The following AFDN variants were observed in gnomAD, a reference collection of about 807,000 sequenced individuals.
AFDN encodes afadin, adherens junction formation factor.
AFDN carries 68 observed loss-of-function variants against 216.6 expected under a neutral mutation model. That is an observed-to-expected ratio of 0.31 (90% CI 0.26 to 0.38). The LOEUF is 0.38. Among genes scored for constraint, AFDN ranks in the 10% least tolerant of loss-of-function variants. The pLI, the probability that AFDN is intolerant of heterozygous loss-of-function variation, is 1.00. For missense variants in AFDN, 2,136 were observed against 2,342.0 expected (o/e 0.91, Z 1.82); for synonymous variants, 868 against 853.7 (o/e 1.02, Z -0.29).
At chr6:167,957,142 G>A (rs1796601119) in intron 30 of AFDN, among the ~76,000 whole-genome samples, 1 of 151,928 alleles carries the variant, frequency 6.6e-6, no homozygotes, top group Non-Finnish European at 1.5e-5. Context: ...ACATGCAGGT[G>A]TCTCTCAGAT....
intron 2 of AFDN, 103 bp from the exon 3 acceptor site, chr6:167,870,283 G>A (rs1784651019): frequency 1.5e-6 from 1 of 657,946 alleles, no homozygotes; most frequent in Non-Finnish European, 2.6e-6. Context: ...CTGCAAGTAG[G>A]TGCTTTGTCT....
At chr6:167,827,931 T>G (rs1464623042) in intron 1 of AFDN, 1 of 152,206 alleles carries the variant, frequency 6.6e-6, no homozygotes, top group African/African-American at 2.4e-5. Flanking sequence ...GCTCCTGGCC[T>G]GGTAACAATG....
chr6:167,967,074 T>G (rs1026282804), intron 32 of AFDN, among the ~76,000 whole-genome samples: 60 of 152,352 alleles, frequency 3.9e-4, no homozygotes, highest in African/African-American at 1.3e-3. Context: ...GTCATTGTTT[T>G]CAAGACAGCA....
At chr6:167,842,855 T>C (rs907901457) in intron 1 of AFDN, among the ~76,000 whole-genome samples, 1 of 152,210 alleles carries the variant, frequency 6.6e-6, no homozygotes, top group East Asian at 1.9e-4. Flanking sequence ...TCCTCTGCCT[T>C]GGTGGTTGTC....
Position 167,915,154 on chromosome 6 carries a change from C to A in AFDN, c.2300-14C>A. 6.2e-7 allele frequency: 1 copy of A among 1,613,128 alleles called. No homozygotes were observed. Among genetic ancestry groups the A allele is most frequent in the Non-Finnish European group, 8.5e-7 (1 of 1,179,566 alleles). On this transcript the variant is annotated splice_polypyrimidine_tract_variant and intron_variant, in intron 18 of 33. Transcript: ENST00000683244. ...ACATTTTGCTCCTCTTGTCCTCTCACCCTGTCTGGGCAGATGATGTGCTGC... is the reference window on the plus strand; with the variant it reads ...ACATTTTGCTCCTCTTGTCCTCTCAACCTGTCTGGGCAGATGATGTGCTGC...
chr6:167,917,964 G>T lies in AFDN; in HGVS notation c.2709+732G>T, dbSNP rs564177213. Reference sequence around the variant, plus strand: ...GCCCTGTGCAAAGTGCATAGAATATGCTTCTATCTGTGTACACTTTAGGAA... The same window carrying T: ...GCCCTGTGCAAAGTGCATAGAATATTCTTCTATCTGTGTACACTTTAGGAA... On this transcript the variant is annotated intron_variant, in intron 20 of 33. Coordinates refer to ENST00000683244, the MANE Select transcript of AFDN (RefSeq NM_001386888.1). Among the ~76,000 whole-genome samples the T allele has an allele frequency of 6.6e-5, 10 of 152,318 alleles. No homozygotes were observed. The South Asian group carries it at 1.9e-3, about 28-fold the overall frequency.
At chr6:167,906,434 A>T (rs1789700041) in intron 12 of AFDN, among the ~76,000 whole-genome samples, 1 of 152,308 alleles carries the variant, frequency 6.6e-6, no homozygotes, top group Non-Finnish European at 1.5e-5. Flanking sequence ...GAGAAACATG[A>T]TTTTTTATTT....
At position 167,951,664 on chromosome 6, in the gene AFDN, G is replaced by GGGAGAGGAAGCGGAGAGAGCA; in HGVS notation, c.4321_4341dup (p.Arg1441_Lys1447dup). On this transcript the variant is annotated inframe_insertion, in exon 30 of 34. Transcript: ENST00000683244. This position sits in a 1 kb window ranked among gnomAD's most constrained non-coding sequence, Gnocchi z 7.1. ...GAGAAGGCCCGCCTGGAGGAGGAGC[G>GGGAGAGGAAGCGGAGAGAGCA]GGAGAGGAAGCGGAGAGAGCAGGAG... 1.9e-6 allele frequency: 3 copies of GGGAGAGGAAGCGGAGAGAGCA among 1,613,992 alleles called. No individual in the cohort carries two copies. The highest frequency in any genetic ancestry group is 2.5e-6 in the Non-Finnish European group (3 of 1,179,954).
chr6:167,962,827 G>A lies in AFDN; in HGVS notation c.4968+260G>A. 7.7e-7 allele frequency: 1 copy of A among 1,303,716 alleles called. No homozygotes were observed. The highest frequency in any genetic ancestry group is 1.5e-5 in the African/African-American group (1 of 68,346). 80.8% of individuals were successfully genotyped at this position (1,303,716 alleles called of 1,614,324 possible). A position where few individuals can be genotyped will look rare whatever the true frequency, so the allele number is the denominator to read the frequency against. On this transcript the variant is annotated intron_variant, in intron 31 of 33. Transcript: ENST00000683244. This position sits in a 1 kb window ranked among gnomAD's most constrained non-coding sequence, Gnocchi z 5.2. Reference sequence around the variant, plus strand: ...TCTGAACTCTTGGGCGTGTGTAGCAGTGAGCCTCTTTGCAAAGGGTTCGTT... The same window carrying A: ...TCTGAACTCTTGGGCGTGTGTAGCAATGAGCCTCTTTGCAAAGGGTTCGTT...
chr6:167,971,465 G>A lies in AFDN; in HGVS notation c.*1530G>A, dbSNP rs1798019916. 5.1e-6 allele frequency: 1 copy of A among 195,402 alleles called. No individual in the cohort carries two copies. Among genetic ancestry groups the A allele is most frequent in the African/African-American group, 2.3e-5 (1 of 43,258 alleles). 12.1% of individuals were successfully genotyped at this position (195,402 alleles called of 1,614,324 possible). On this transcript the variant is annotated 3_prime_UTR_variant, in exon 34 of 34. Coordinates refer to ENST00000683244, the MANE Select transcript of AFDN (RefSeq NM_001386888.1). ...CCTCTATCAGGGTTTTTATTTGAAA[G>A]TGTGCTCTTACCATTTCCTTGTTTG... is the stretch of plus-strand genomic sequence containing the variant.
At position 167,965,776 on chromosome 6, in the gene AFDN, A is replaced by T. The variant is rs1050645950; in HGVS notation, c.4988A>T (p.Tyr1663Phe). The T allele has an allele frequency of 6.4e-7, 1 of 1,557,138 alleles. No individual in the cohort carries two copies. Among genetic ancestry groups the T allele is most frequent in the East Asian group, 2.3e-5 (1 of 43,366 alleles). ...CCGCAGAGGCGACAGGAAGAAGGGTATTACAGCCGCCTGGAAGCCGAGAGG... is the reference window on the plus strand; with the variant it reads ...CCGCAGAGGCGACAGGAAGAAGGGTTTTACAGCCGCCTGGAAGCCGAGAGG... ...AEEKRRQEEG[Y>F]YSRLEAERRR... The change falls in exon 32 of 34, where the codon TAT (tyrosine) becomes TTT (phenylalanine). Residue 1663 changes from tyrosine (Y) to phenylalanine (F), a missense_variant. By Grantham distance (22) the Tyr-to-Phe change is conservative (BLOSUM62 3). Coordinates refer to ENST00000683244, the MANE Select transcript of AFDN (RefSeq NM_001386888.1).
chr6:167,833,986 A>G (rs1780115587), intron 1 of AFDN, among the ~76,000 whole-genome samples: 1 of 152,206 alleles, frequency 6.6e-6, no homozygotes, highest in Non-Finnish European at 1.5e-5. Flanking sequence ...CATAGGTTGC[A>G]AAGAACATTT....
At position 167,943,480 on chromosome 6, in the gene AFDN, C is replaced by A; in HGVS notation, c.3239+5C>A. 6.2e-7 allele frequency: 1 copy of A among 1,609,572 alleles called. No individual in the cohort carries two copies. Among genetic ancestry groups the A allele is most frequent in the African/African-American group, 1.3e-5 (1 of 74,944 alleles). Reference sequence around the variant, plus strand: ...GGTTGGACTCTCTCAGGAAAGGTATCATTGATTTATTTGCTTGAAGCATAG... The same window carrying A: ...GGTTGGACTCTCTCAGGAAAGGTATAATTGATTTATTTGCTTGAAGCATAG... On this transcript the variant is annotated splice_donor_5th_base_variant and intron_variant, in intron 25 of 33. Transcript: ENST00000683244.
In AFDN at chr6:167,948,245, C is replaced by T. The variant is rs200362204; in HGVS notation, c.3646-48C>T. The T allele has an allele frequency of 1.0e-5, 15 of 1,488,214 alleles. No individual in the cohort carries two copies. In the East Asian group the frequency reaches 3.2e-4, roughly 32 times the overall value. The allele number at this position is 1,488,214 out of a possible 1,614,324, so 92.2% of individuals were successfully genotyped here. A position where few individuals can be genotyped will look rare whatever the true frequency, so the allele number is the denominator to read the frequency against. On this transcript the variant is annotated intron_variant, in intron 28 of 33. Coordinates refer to ENST00000683244, the MANE Select transcript of AFDN (RefSeq NM_001386888.1). ...ACAGATCATTGAAAATCAAGTTAGT[C>T]TGTATGGTTGTAAAAAGCTCACTTT...
intron 12 of AFDN, among the ~76,000 whole-genome samples, chr6:167,905,906 C>G (rs1233353193): frequency 6.6e-6 from 1 of 152,146 alleles, no homozygotes; most frequent in Non-Finnish European, 1.5e-5. Context: ...GAGATCGAGA[C>G]CATCCTGGCT....
At position 167,884,605 on chromosome 6, in the gene AFDN, C is replaced by T. The variant is rs183227632; in HGVS notation, c.897+4088C>T. Among the ~76,000 whole-genome samples, 6 of 151,764 alleles carry T rather than the reference C, an allele frequency of 4.0e-5. No homozygotes were observed. The East Asian group carries it at 1.2e-3, about 29-fold the overall frequency. On this transcript the variant is annotated intron_variant, in intron 6 of 33. Transcript: ENST00000683244. ...CAAAGGGTTCTTATTTTTTTTTCTT[C>T]TTTCCTCTGAGCAGTAGGTCCCAAC...
At chr6:167,902,264 G>T (rs1789075807) in intron 11 of AFDN, 53 bp from the exon 12 acceptor site, 4 of 1,289,532 alleles carry the variant, frequency 3.1e-6, no homozygotes, top group Non-Finnish European at 4.5e-6. Context: ...AAGAGACTAT[G>T]CCTGTCATTG....
chr6:167,919,891 A>G (rs1340958740), intron 21 of AFDN, among the ~76,000 whole-genome samples: 2 of 152,252 alleles, frequency 1.3e-5, no homozygotes, highest in Admixed American at 6.5e-5. Context: ...TTATGCCCGT[A>G]GGTATATAAA....
At chr6:167,959,653 C>G (rs1290973710) in intron 30 of AFDN, among the ~76,000 whole-genome samples, 1 of 152,016 alleles carries the variant, frequency 6.6e-6, no homozygotes, top group African/African-American at 2.4e-5. Flanking sequence ...GTTCAGATAC[C>G]AGTTTCATTT....
Sources: gnomAD v4.1 joint callset for allele counts (sites outside exome capture counted in the v4.1 genomes callset) on GRCh38, gnomAD v4.1.1 for gene constraint, Gnocchi (gnomAD v3.1) non-coding constraint, MANE v1.5 for transcripts, NCBI Gene and HGNC (gene_info 2026-07-23, HGNC 2026-07-21) for gene names.